The following CHRM3 variants were observed in gnomAD, a reference collection of about 807,000 sequenced individuals.
CHRM3 encodes the protein cholinergic receptor muscarinic 3.
In CHRM3, 11 loss-of-function variants were observed where a neutral mutation model predicts 41.8. The ratio of observed to expected loss-of-function variants is 0.26; its 90% CI spans 0.17 to 0.44. The LOEUF is 0.44. Among genes scored for constraint, CHRM3 ranks in the 20% least tolerant of loss-of-function variants. The probability of loss-of-function intolerance (pLI) is 1.00; values close to 1 mark genes in which losing one functional copy is unlikely to be tolerated. For missense variants in CHRM3, 571 were observed against 745.4 expected (o/e 0.77, Z 2.72); for synonymous variants, 297 against 301.4 (o/e 0.99, Z 0.15).
At position 239,587,003 on chromosome 1, in the gene CHRM3, A is replaced by G. The variant is rs137928970; in HGVS notation, c.-313+41254A>G. On this transcript the variant is annotated intron_variant, in intron 3 of 6. Coordinates refer to ENST00000676153, the MANE Select transcript of CHRM3 (RefSeq NM_001375978.1). Reference sequence around the variant, plus strand: ...GGCTGGTTGAGAAATCTGGGCTCCTACTAACTCCTCAAGCCTATTCCTTCC... The same window carrying G: ...GGCTGGTTGAGAAATCTGGGCTCCTGCTAACTCCTCAAGCCTATTCCTTCC... Among the ~76,000 whole-genome samples the G allele has an allele frequency of 3.0e-3, 457 of 152,302 alleles. 3 individuals are homozygous for G. The highest frequency in any genetic ancestry group is 0.01 in the African/African-American group (418 of 41,570).
At chr1:239,844,992 A>C (rs1419281936) in intron 6 of CHRM3, among the ~76,000 whole-genome samples, 3 of 152,240 alleles carry the variant, frequency 2.0e-5, no homozygotes, top group African/African-American at 7.2e-5. Flanking sequence ...TCCAACTGCC[A>C]GATGGAAGCA....
At chr1:239,755,790 C>G (rs1666192411) in intron 5 of CHRM3, among the ~76,000 whole-genome samples, 1 of 152,110 alleles carries the variant, frequency 6.6e-6, no homozygotes, top group Non-Finnish European at 1.5e-5. Flanking sequence ...GTTTGCAGCA[C>G]ATTTTACAAG....
At chr1:239,421,820 G>A (rs908061248) in intron 1 of CHRM3, among the ~76,000 whole-genome samples, 3 of 151,838 alleles carry the variant, frequency 2.0e-5, no homozygotes, top group African/African-American at 7.3e-5. Flanking sequence ...ACTCCTCGTT[G>A]CCAAACCACA....
At chr1:239,404,418 GAA>G (rs1351034689) in intron 1 of CHRM3, among the ~76,000 whole-genome samples, 32 of 80,350 alleles carry the variant, frequency 4.0e-4, no homozygotes, top group East Asian at 1.6e-3. Context: ...GAAAAAGAAA[GAA>G]AGAAAGAAAG....
At chr1:239,393,507 G>A (rs1262370748) in intron 1 of CHRM3, among the ~76,000 whole-genome samples, 1 of 152,188 alleles carries the variant, frequency 6.6e-6, no homozygotes, top group East Asian at 1.9e-4. Flanking sequence ...TGTGAAGGGA[G>A]AGGTGATGGG....
At chr1:239,451,749 C>T (rs544302881) in intron 1 of CHRM3, among the ~76,000 whole-genome samples, 21 of 151,956 alleles carry the variant, frequency 1.4e-4, no homozygotes, top group South Asian at 4.2e-4. Flanking sequence ...CATTTTAACA[C>T]GGAAATATTA....
intron 1 of CHRM3, among the ~76,000 whole-genome samples, chr1:239,417,440 T>C (rs961033765): frequency 6.6e-6 from 1 of 152,200 alleles, no homozygotes; most frequent in African/African-American, 2.4e-5. Flanking sequence ...TAGATTGTCA[T>C]AGAAGCTGAG....
At chr1:239,894,599 AT>A (rs776999083) in intron 6 of CHRM3, among the ~76,000 whole-genome samples, 4 of 151,884 alleles carry the variant, frequency 2.6e-5, no homozygotes, top group Admixed American at 2.6e-4. Context: ...TACCTGGCTA[AT>A]TTTTTTGTTT....
At chr1:239,720,545 A>G (rs1662863500) in intron 5 of CHRM3, among the ~76,000 whole-genome samples, 1 of 151,990 alleles carries the variant, frequency 6.6e-6, no homozygotes, top group Admixed American at 6.6e-5. Flanking sequence ...CAGAAAGCTA[A>G]GCATGAACAT....
chr1:239,462,718 A>C (rs1218300354), intron 1 of CHRM3, among the ~76,000 whole-genome samples: 5 of 152,228 alleles, frequency 3.3e-5, no homozygotes, highest in African/African-American at 1.2e-4. Flanking sequence ...GTTTGAAGCT[A>C]CAGGTAATTT....
chr1:239,826,664 T>C (rs589962), intron 5 of CHRM3, among the ~76,000 whole-genome samples: 36,748 of 152,036 alleles, frequency 0.24, 5,044 homozygotes, highest in Admixed American at 0.35. Context: ...CTTTGTTAAA[T>C]AGATTTTTGA....
At chr1:239,570,599 T>G (rs922753733) in intron 3 of CHRM3, among the ~76,000 whole-genome samples, 2 of 152,234 alleles carry the variant, frequency 1.3e-5, no homozygotes, top group Non-Finnish European at 2.9e-5. Context: ...ATACTAATGC[T>G]TGCAGATTGG....
chr1:239,601,149 T>C (rs1029794564), intron 3 of CHRM3, among the ~76,000 whole-genome samples: 1 of 152,136 alleles, frequency 6.6e-6, no homozygotes, highest in African/African-American at 2.4e-5. Flanking sequence ...CCTAAGGGAG[T>C]AAATCTCATG....
chr1:239,729,110 T>A (rs1663719415), intron 5 of CHRM3, among the ~76,000 whole-genome samples: 1 of 152,096 alleles, frequency 6.6e-6, no homozygotes, highest in South Asian at 2.1e-4. Flanking sequence ...GGTCCTTAAG[T>A]ACAAACCAAG....
intron 3 of CHRM3, among the ~76,000 whole-genome samples, chr1:239,569,424 A>G (rs560651655): frequency 1.3e-4 from 20 of 152,188 alleles, no homozygotes; most frequent in African/African-American, 4.8e-4. Context: ...AAGAAAACCA[A>G]TCATAAAAAC....
chr1:239,426,981 AG>A (rs1662438876), intron 1 of CHRM3, among the ~76,000 whole-genome samples: 1 of 150,306 alleles, frequency 6.7e-6, no homozygotes, highest in Non-Finnish European at 1.5e-5. Flanking sequence ...AATGGGTTGA[AG>A]GGAGGGGTGG....
At chr1:239,576,588 ACACACG>A (rs1662369783) in intron 3 of CHRM3, among the ~76,000 whole-genome samples, 1 of 106,500 alleles carries the variant, frequency 9.4e-6, no homozygotes, top group African/African-American at 2.9e-5. Context: ...ACACACACAC[ACACACG>A]CACACACACA....
At chr1:239,589,242 T>C (rs1372748739) in intron 3 of CHRM3, among the ~76,000 whole-genome samples, 1 of 152,024 alleles carries the variant, frequency 6.6e-6, no homozygotes, top group Non-Finnish European at 1.5e-5. Context: ...TCTGAAACAT[T>C]ATTTTAAATG....
intron 1 of CHRM3, among the ~76,000 whole-genome samples, chr1:239,404,719 A>AATATATATATATATATATATATAT (rs67746016): frequency 2.1e-5 from 2 of 97,340 alleles, no homozygotes; most frequent in Non-Finnish European, 4.0e-5. Flanking sequence ...GCTATATCTA[A>AATATATATATATATATATATATAT]ATATATATAT....
Sources: allele counts gnomAD v4.1 joint callset (sites outside exome capture counted in the v4.1 genomes callset), GRCh38; gene constraint gnomAD v4.1.1; transcripts MANE v1.5; gene names NCBI Gene and HGNC (gene_info 2026-07-23, HGNC 2026-07-21).